The following SLC71A2 variants were observed in gnomAD, a reference collection of about 807,000 sequenced individuals.
The protein encoded by SLC71A2 is hippocampus abundant transcript-like 1.
the SLC71A2 span, among the ~76,000 whole-genome samples, chr9:94,390,388 T>C: frequency 2.0e-5 from 3 of 149,662 alleles, no homozygotes; most frequent in African/African-American, 7.4e-5. Flanking sequence ...ATATGTTGAA[T>C]TGAAGGTGTT....
chr9:94,397,666 C>T, the SLC71A2 span, among the ~76,000 whole-genome samples: 10,444 of 152,172 alleles, frequency 0.069, 453 homozygotes, highest in Non-Finnish European at 0.1. Flanking sequence ...TGACAGTTTC[C>T]TAGGCGCTCC....
At chr9:94,438,661 A>G in the SLC71A2 span, 1 of 755,534 alleles carries the variant, frequency 1.3e-6, no homozygotes, top group African/African-American at 1.8e-5. Context: ...CTCTGGTAAT[A>G]CTGAAAACCA....
the SLC71A2 span, among the ~76,000 whole-genome samples, chr9:94,449,251 A>G: frequency 6.6e-6 from 1 of 152,224 alleles, no homozygotes; most frequent in Non-Finnish European, 1.5e-5. Context: ...ATTATTTTAT[A>G]TTATTGCTGG....
chr9:94,418,482 A>C, the SLC71A2 span, among the ~76,000 whole-genome samples: 1 of 151,818 alleles, frequency 6.6e-6, no homozygotes, highest in South Asian at 2.1e-4. Context: ...TTTCTCTGTC[A>C]CTCAGGCTGG....
chr9:94,448,611 G>T, the SLC71A2 span, among the ~76,000 whole-genome samples: 1 of 152,156 alleles, frequency 6.6e-6, no homozygotes, highest in Non-Finnish European at 1.5e-5. Flanking sequence ...AATATTTTAC[G>T]TGGTGGCATA....
chr9:94,447,928 T>C, the SLC71A2 span, among the ~76,000 whole-genome samples: 1 of 152,268 alleles, frequency 6.6e-6, no homozygotes, highest in African/African-American at 2.4e-5. Context: ...TTCAGATTGG[T>C]TTCTTTCAAT....
At chr9:94,455,401 A>G in the SLC71A2 span, among the ~76,000 whole-genome samples, 1 of 30,716 alleles carries the variant, frequency 3.3e-5, no homozygotes, top group African/African-American at 1.1e-4. Flanking sequence ...TTTTTTTTGT[A>G]AAGACAAGGT....
At chr9:94,456,118 A>G in the SLC71A2 span, 1 of 615,906 alleles carries the variant, frequency 1.6e-6, no homozygotes, top group African/African-American at 1.9e-5. Flanking sequence ...TAAAGAGGAA[A>G]AAATAAATAA....
the SLC71A2 span, among the ~76,000 whole-genome samples, chr9:94,397,341 G>A: frequency 6.6e-6 from 1 of 152,090 alleles, no homozygotes. Context: ...AGGCATGGTG[G>A]CTCACACTAC....
chr9:94,439,319 T>G, the SLC71A2 span, among the ~76,000 whole-genome samples: 1 of 151,508 alleles, frequency 6.6e-6, no homozygotes, highest in Non-Finnish European at 1.5e-5. Flanking sequence ...ATTTTTTTTT[T>G]TTTTTCTTTG....
the SLC71A2 span, among the ~76,000 whole-genome samples, chr9:94,439,989 T>TCA: frequency 6.6e-6 from 1 of 152,192 alleles, no homozygotes; most frequent in Admixed American, 6.5e-5. Context: ...CTTATTTTCT[T>TCA]CATATATATA....
At chr9:94,435,766 T>C in the SLC71A2 span, among the ~76,000 whole-genome samples, 1 of 149,806 alleles carries the variant, frequency 6.7e-6, no homozygotes, top group Non-Finnish European at 1.5e-5. Context: ...GCGATTCTCC[T>C]GCCTTAGCCT....
the SLC71A2 span, among the ~76,000 whole-genome samples, chr9:94,442,643 GA>G: frequency 2.6e-5 from 4 of 151,984 alleles, no homozygotes. Flanking sequence ...ATGAGGTCAA[GA>G]AATCGAGACC....
At chr9:94,415,882 G>C in the SLC71A2 span, among the ~76,000 whole-genome samples, 3 of 152,188 alleles carry the variant, frequency 2.0e-5, no homozygotes, top group African/African-American at 7.2e-5. Flanking sequence ...GCAGAGCATT[G>C]TTGAAGTCTG....
At chr9:94,433,491 C>G in the SLC71A2 span, among the ~76,000 whole-genome samples, 4 of 150,856 alleles carry the variant, frequency 2.7e-5, no homozygotes, top group East Asian at 5.8e-4. Context: ...TGACCAACAT[C>G]GAGAAACCCT....
the SLC71A2 span, among the ~76,000 whole-genome samples, chr9:94,411,032 G>A: frequency 1.2e-4 from 18 of 152,234 alleles, no homozygotes; most frequent in Admixed American, 1.1e-3. Context: ...ACAGGCATGA[G>A]CCACTGCACC....
the SLC71A2 span, among the ~76,000 whole-genome samples, chr9:94,390,715 G>C: frequency 6.6e-6 from 1 of 152,140 alleles, no homozygotes; most frequent in Non-Finnish European, 1.5e-5. Flanking sequence ...GTAATACTTT[G>C]TTAAATTTCT....
At chr9:94,440,157 CTT>C in the SLC71A2 span, among the ~76,000 whole-genome samples, 1 of 151,668 alleles carries the variant, frequency 6.6e-6, no homozygotes, top group African/African-American at 2.4e-5. Context: ...TGCCTTTTCT[CTT>C]ATTTTTTTTT....
At chr9:94,415,487 G>T in the SLC71A2 span, among the ~76,000 whole-genome samples, 1 of 151,974 alleles carries the variant, frequency 6.6e-6, no homozygotes, top group Non-Finnish European at 1.5e-5. Context: ...AAACTTGGGG[G>T]TGCTGTTATA....
Sources: allele counts gnomAD v4.1 joint callset (sites outside exome capture counted in the v4.1 genomes callset), GRCh38; gene constraint gnomAD v4.1.1; transcripts MANE v1.5; gene names NCBI Gene and HGNC (gene_info 2026-07-23, HGNC 2026-07-21).